Variants in CHL1 observed in about 807,000 individuals in gnomAD.
CHL1 encodes the protein cell adhesion molecule L1 like.
CHL1 carries 96 observed loss-of-function variants against 141.9 expected under a neutral mutation model. That is an observed-to-expected ratio of 0.68 (90% CI 0.57 to 0.80). CHL1 has a LOEUF of 0.80. CHL1 is among the 30% of genes least tolerant of loss of function. CHL1 has a pLI of 0.00. For synonymous variants in CHL1, 613 were observed against 502.2 expected (o/e 1.22, Z -2.95); for missense variants, 1,820 against 1,457.2 (o/e 1.25, Z -4.05).
rs114584050 is a variant in CHL1, at chr3:335,540, T to C, written c.386-5254T>C. On this transcript the variant is annotated intron_variant, in intron 5 of 27. Coordinates refer to ENST00000256509, the MANE Select transcript of CHL1 (RefSeq NM_006614.4). ...TGCAGTTGTGACAATGATGGCAGACTGTGAGCAATTCGCCAAGCATATTTA... is the reference window on the plus strand; with the variant it reads ...TGCAGTTGTGACAATGATGGCAGACCGTGAGCAATTCGCCAAGCATATTTA... 3.4e-3 allele frequency among the ~76,000 whole-genome samples: 522 copies of C among 152,306 alleles called. 4 individuals are homozygous for C. The highest frequency in any genetic ancestry group is 0.012 in the African/African-American group (494 of 41,562).
chr3:325,508 A>C (rs139645192), intron 3 of CHL1, among the ~76,000 whole-genome samples: 13 of 152,214 alleles, frequency 8.5e-5, no homozygotes, highest in Non-Finnish European at 1.8e-4. Context: ...TAAAAATTAT[A>C]GCATATCAGT....
Position 361,776 on chromosome 3 carries a change from G to A in CHL1, c.1384G>A (p.Glu462Lys), listed in dbSNP as rs1325483014. The A allele has an allele frequency of 8.7e-6, 14 of 1,613,390 alleles. No individual in the cohort carries two copies. Among genetic ancestry groups the A allele is most frequent in the South Asian group, 1.1e-5 (1 of 91,070 alleles). ...VVGYSAFLHC[E>K]FFASPEAVVS... ...TGGGTACAGTGCTTTCTTACATTGCGAGTTCTTTGCTTCACCTGAGGCAGT... is the reference window on the plus strand; with the variant it reads ...TGGGTACAGTGCTTTCTTACATTGCAAGTTCTTTGCTTCACCTGAGGCAGT... Residue 462 changes from glutamate to lysine, a missense_variant, in exon 13 of 28, where the codon GAG (glutamate) becomes AAG (lysine). Transcript: ENST00000256509.
chr3:344,667 T>A lies in CHL1; in HGVS notation c.806T>A (p.Leu269His). ...GGCAGTGAGTCTTCAATTACCATCCTCAAAGGGGAAATCTTGCTGCTTGAG... is the reference window on the plus strand; with the variant it reads ...GGCAGTGAGTCTTCAATTACCATCCACAAAGGGGAAATCTTGCTGCTTGAG... Reference protein sequence around the residue: ...ESGSESSITILKGEILLLECF... With the variant: ...ESGSESSITIHKGEILLLECF... Residue 269 changes from leucine (L) to histidine (H), a missense_variant, in exon 9 of 28, where the codon CTC (leucine) becomes CAC (histidine). Transcript: ENST00000256509. 5 of 1,613,840 alleles carry A rather than the reference T, an allele frequency of 3.1e-6. No homozygotes were observed. The highest frequency in any genetic ancestry group is 4.2e-6 in the Non-Finnish European group (5 of 1,179,848).
At position 363,300 on chromosome 3, in the gene CHL1, C is replaced by T. The variant is rs756748951; in HGVS notation, c.1502C>T (p.Thr501Ile). ...GGCACATTGCAGATCAACAGAACCA[C>T]CGAAGAAGATGCTGGGTCTTACTCA... ...ENGTLQINRT[T>I]EEDAGSYSCW... Residue 501 changes from threonine to isoleucine, a missense_variant, in exon 14 of 28, where the codon ACC becomes ATC. By Grantham distance (89) the Thr-to-Ile change is moderately conservative (BLOSUM62 -1). Transcript: ENST00000256509. 3 of 1,613,518 alleles carry T rather than the reference C, an allele frequency of 1.9e-6. No individual in the cohort carries two copies. Among genetic ancestry groups the T allele is most frequent in the Admixed American group, 3.3e-5 (2 of 59,948 alleles).
At chr3:275,343 G>A (rs977258114) in intron 2 of CHL1, among the ~76,000 whole-genome samples, 1 of 152,208 alleles carries the variant, frequency 6.6e-6, no homozygotes, top group African/African-American at 2.4e-5. Context: ...ACTGAGAAAA[G>A]AAACCACTCA....
intron 1 of CHL1, among the ~76,000 whole-genome samples, chr3:244,339 C>T (rs1475477763): frequency 6.6e-6 from 1 of 152,164 alleles, no homozygotes; most frequent in Non-Finnish European, 1.5e-5. Flanking sequence ...AGAGAAGACA[C>T]ATCGATAATG....
intron 1 of CHL1, among the ~76,000 whole-genome samples, chr3:243,434 C>CT (rs1031654529): frequency 6.6e-6 from 1 of 152,116 alleles, no homozygotes; most frequent in African/African-American, 2.4e-5. Context: ...AACATTTCTG[C>CT]TTGTAATAAT....
chr3:258,820 G>T (rs1278927844), intron 2 of CHL1, among the ~76,000 whole-genome samples: 1 of 150,324 alleles, frequency 6.7e-6, no homozygotes, highest in Non-Finnish European at 1.5e-5. Context: ...ATACCCTAAG[G>T]TTACTAACTT....
intron 1 of CHL1, among the ~76,000 whole-genome samples, chr3:223,225 C>T (rs458831): frequency 0.85 from 129,001 of 152,132 alleles, 55,421 homozygotes; most frequent in East Asian, 1. Flanking sequence ...AAGTGACATT[C>T]GGGTGAAGTG....
intron 2 of CHL1, among the ~76,000 whole-genome samples, chr3:251,856 T>G (rs1215069200): frequency 1.3e-5 from 2 of 152,168 alleles, no homozygotes; most frequent in African/African-American, 2.4e-5. Flanking sequence ...TTAAAGTGTT[T>G]CAGTGGGATG....
At chr3:237,358 C>G (rs1692095514) in intron 1 of CHL1, among the ~76,000 whole-genome samples, 1 of 152,198 alleles carries the variant, frequency 6.6e-6, no homozygotes, top group Non-Finnish European at 1.5e-5. Flanking sequence ...GCTTCCCAAG[C>G]CATGCAGAAC....
intron 5 of CHL1, 23 bp from the exon 6 acceptor site, chr3:340,771 A>G (rs1299785837): frequency 6.3e-7 from 1 of 1,578,494 alleles, no homozygotes; most frequent in Non-Finnish European, 8.7e-7. Context: ...AAAATAACAC[A>G]TTAAAATGAT....
chr3:345,281 C>G (rs902697997), intron 9 of CHL1, among the ~76,000 whole-genome samples: 1 of 151,766 alleles, frequency 6.6e-6, no homozygotes. Flanking sequence ...TGCTATGTTA[C>G]TTACTAAATC....
rs563942075 is a variant in CHL1 at position 312,620 on chromosome 3, A to C, written c.-94-7063A>C. On this transcript the variant is annotated intron_variant, in intron 2 of 27. Transcript: ENST00000256509. ...AGAACTGATTCCAAACCAGGGGAAT[A>C]GTTTAACCTAGCCTGATAATCACAT... 4.6e-5 allele frequency among the ~76,000 whole-genome samples: 7 copies of C among 152,324 alleles called. No homozygotes were observed. The East Asian group carries it at 1.4e-3, about 29-fold the overall frequency.
rs535361280 is a variant in CHL1, at chr3:303,474, A to C, written c.-94-16209A>C. ...CACATCCCTTGTAAGTTGTATTCCT[A>C]GGCATTTTATTATCTCAGTAGCAAT... On this transcript the variant is annotated intron_variant, in intron 2 of 27. Coordinates refer to ENST00000256509, the MANE Select transcript of CHL1 (RefSeq NM_006614.4). Among the ~76,000 whole-genome samples, 15 of 152,250 alleles carry C rather than the reference A, an allele frequency of 9.9e-5. No homozygotes were observed. In the South Asian group the frequency reaches 3.1e-3, roughly 32 times the overall value.
intron 7 of CHL1, 104 bp downstream of exon 7, chr3:342,186 C>T (rs749270122): frequency 9.8e-7 from 1 of 1,024,894 alleles, no homozygotes; most frequent in Non-Finnish European, 1.4e-6. Context: ...TATTTTGCAC[C>T]ATTGTGCAGT....
chr3:336,291 C>T (rs1701854403), intron 5 of CHL1, among the ~76,000 whole-genome samples: 1 of 152,068 alleles, frequency 6.6e-6, no homozygotes, highest in South Asian at 2.1e-4. Context: ...AGGAAACCTT[C>T]TATTTTGTTC....
intron 2 of CHL1, among the ~76,000 whole-genome samples, chr3:275,638 G>T (rs139591844): frequency 6.6e-6 from 1 of 152,010 alleles, no homozygotes; most frequent in Non-Finnish European, 1.5e-5. Context: ...AGACATGTAG[G>T]GTCCACATGT....
intron 5 of CHL1, among the ~76,000 whole-genome samples, chr3:337,728 G>C (rs1287464286): frequency 3.3e-5 from 5 of 152,136 alleles, no homozygotes; most frequent in Admixed American, 6.5e-5. Flanking sequence ...GTATTCCATG[G>C]TGTATATGTG....
Sources: allele counts gnomAD v4.1 joint callset (sites outside exome capture counted in the v4.1 genomes callset), GRCh38; gene constraint gnomAD v4.1.1; transcripts MANE v1.5; gene names NCBI Gene and HGNC (gene_info 2026-07-23, HGNC 2026-07-21).